Variants in SLC9A9 observed in about 807,000 individuals in gnomAD.
SLC9A9 encodes sodium/hydrogen exchanger 9.
Under a neutral mutation model 77.8 loss-of-function variants are expected in SLC9A9, and 62 were observed. The ratio of observed to expected loss-of-function variants is 0.80; its 90% CI spans 0.65 to 0.98. The LOEUF (loss-of-function observed/expected upper bound fraction) is 0.98, where lower values mean the gene tolerates loss of function less well. Ranked by LOEUF, SLC9A9 falls within the 50% of genes least tolerant of loss-of-function variation. The pLI is 0.00. For synonymous variants in SLC9A9, 320 were observed against 283.5 expected (o/e 1.13, Z -1.29); for missense variants, 775 against 774.9 (o/e 1.00, Z 0.00).
At chr3:143,504,114 A>G (rs2035971183) in intron 9 of SLC9A9, 5 of 483,024 alleles carry the variant, frequency 1.0e-5, no homozygotes, top group Non-Finnish European at 1.6e-5. Context: ...GGAACTTGCC[A>G]TGGGTGGAAT....
intron 1 of SLC9A9, among the ~76,000 whole-genome samples, chr3:143,841,903 G>A (rs1436028073): frequency 3.3e-5 from 5 of 151,972 alleles, no homozygotes; most frequent in African/African-American, 9.7e-5. Flanking sequence ...ACAGGCATCC[G>A]CCACTATACC....
Position 143,594,099 on chromosome 3 carries a change from C to T in SLC9A9, c.756-15376G>A, listed in dbSNP as rs114937672. Among the ~76,000 whole-genome samples the T allele has an allele frequency of 6.8e-3, 1,041 of 151,992 alleles. 14 individuals carry two copies. The highest frequency in any genetic ancestry group is 0.023 in the African/African-American group (945 of 41,418). ...AAAATTCTGGATTTTAAAAAAAGAG[C>T]TTAATTGGTAAGTTCCCAAAATGAG... On this transcript the variant is annotated intron_variant, in intron 6 of 15. Coordinates refer to ENST00000316549, the MANE Select transcript of SLC9A9 (RefSeq NM_173653.4).
In SLC9A9 at chr3:143,624,377, G is replaced by T. The variant is rs145031456; in HGVS notation, c.755+27878C>A. On this transcript the variant is annotated intron_variant, in intron 6 of 15. Coordinates refer to ENST00000316549, the MANE Select transcript of SLC9A9 (RefSeq NM_173653.4). ...TGCAAAAATCCTCAAGAAAATACTG[G>T]CCAACTGAATCCAGCAGCACATCAA... is the stretch of plus-strand genomic sequence containing the variant. Among the ~76,000 whole-genome samples, 967 of 152,238 alleles carry T rather than the reference G, an allele frequency of 6.4e-3. 13 individuals are homozygous for T. Among genetic ancestry groups the T allele is most frequent in the African/African-American group, 0.022 (918 of 41,540 alleles).
At chr3:143,385,768 T>G (rs953773411) in intron 12 of SLC9A9, among the ~76,000 whole-genome samples, 1 of 152,186 alleles carries the variant, frequency 6.6e-6, no homozygotes, top group African/African-American at 2.4e-5. Flanking sequence ...TCCAACCTCC[T>G]TAGGTGACAT....
chr3:143,321,280 A>T (rs1358148602), intron 14 of SLC9A9, among the ~76,000 whole-genome samples: 1 of 152,158 alleles, frequency 6.6e-6, no homozygotes, highest in Non-Finnish European at 1.5e-5. Context: ...GTTTACTATG[A>T]CCTCCACTGC....
At chr3:143,431,754 A>G (rs1035010279) in intron 12 of SLC9A9, among the ~76,000 whole-genome samples, 2 of 152,054 alleles carry the variant, frequency 1.3e-5, no homozygotes, top group Admixed American at 1.3e-4. Context: ...GAGTCCTTAC[A>G]ATGGCTTATA....
chr3:143,610,981 GA>G (rs199619731), intron 6 of SLC9A9, among the ~76,000 whole-genome samples: 20 of 149,656 alleles, frequency 1.3e-4, no homozygotes, highest in South Asian at 4.2e-4. Context: ...CAAAAGGACC[GA>G]AAAAAAAATT....
chr3:143,848,260 C>T lies in SLC9A9; in HGVS notation c.63G>A (p.Ala21=). The change falls in exon 1 of 16, where the codon GCG becomes GCA. Residue 21 remains alanine (A), a synonymous_variant. Coordinates refer to ENST00000316549, the MANE Select transcript of SLC9A9 (RefSeq NM_173653.4). ...KDEYQFQHQG[A]VELLVFNFLL... Reference sequence around the variant, plus strand: ...AAAAATTGAAGACAAGCAGCTCCACCGCTCCCTGATGTTGAAACTGATACT... The same window carrying T: ...AAAAATTGAAGACAAGCAGCTCCACTGCTCCCTGATGTTGAAACTGATACT... 6.2e-7 allele frequency: 1 copy of T among 1,613,946 alleles called. No homozygotes were observed. Among genetic ancestry groups the T allele is most frequent in the Non-Finnish European group, 8.5e-7 (1 of 1,179,930 alleles).
intron 4 of SLC9A9, among the ~76,000 whole-genome samples, chr3:143,785,920 G>C (rs1332797849): frequency 7.0e-6 from 1 of 143,382 alleles, no homozygotes; most frequent in East Asian, 2.0e-4. Flanking sequence ...GCAGTGGCGC[G>C]ATCTCGACTC....
chr3:143,358,401 T>C (rs771111433), intron 14 of SLC9A9, among the ~76,000 whole-genome samples: 2 of 152,224 alleles, frequency 1.3e-5, no homozygotes, highest in Non-Finnish European at 2.9e-5. Flanking sequence ...TTTACACTTA[T>C]AAAATGTTGG....
At chr3:143,295,565 ACT>A (rs1333510520) in intron 14 of SLC9A9, among the ~76,000 whole-genome samples, 2 of 152,178 alleles carry the variant, frequency 1.3e-5, no homozygotes, top group African/African-American at 2.4e-5. Flanking sequence ...ATGTTAACTG[ACT>A]CTGAGACATT....
At chr3:143,720,903 G>A (rs960679283) in intron 4 of SLC9A9, among the ~76,000 whole-genome samples, 8 of 151,822 alleles carry the variant, frequency 5.3e-5, no homozygotes, top group African/African-American at 1.7e-4. Flanking sequence ...CAATTCTTAA[G>A]TATTTTCCTT....
chr3:143,339,261 A>G (rs572241439), intron 14 of SLC9A9, among the ~76,000 whole-genome samples: 38 of 152,268 alleles, frequency 2.5e-4, no homozygotes, highest in Non-Finnish European at 4.9e-4. Flanking sequence ...GTGGAGGTTC[A>G]TCGCATGGCC....
intron 9 of SLC9A9, among the ~76,000 whole-genome samples, chr3:143,523,159 T>C (rs749707964): frequency 2.0e-5 from 3 of 152,126 alleles, no homozygotes; most frequent in African/African-American, 4.8e-5. Context: ...AAATTCCTAG[T>C]CCATTTGTCT....
chr3:143,783,293 C>T (rs574228655), intron 4 of SLC9A9, among the ~76,000 whole-genome samples: 1 of 152,166 alleles, frequency 6.6e-6, no homozygotes, highest in Non-Finnish European at 1.5e-5. Context: ...ATACTCTGGC[C>T]TCCTGGAACA....
chr3:143,738,879 G>A (rs999826416), intron 4 of SLC9A9, among the ~76,000 whole-genome samples: 1 of 152,198 alleles, frequency 6.6e-6, no homozygotes, highest in Non-Finnish European at 1.5e-5. Context: ...GGCATGTGCA[G>A]GTATGCAGCT....
intron 14 of SLC9A9, among the ~76,000 whole-genome samples, chr3:143,294,721 CAA>C (rs1285350331): frequency 2.0e-5 from 3 of 152,262 alleles, no homozygotes; most frequent in East Asian, 3.9e-4. Context: ...CTGAAATTCC[CAA>C]GTCAGTGTTG....
At chr3:143,650,285 A>T (rs1250698039) in intron 6 of SLC9A9, among the ~76,000 whole-genome samples, 1 of 152,236 alleles carries the variant, frequency 6.6e-6, no homozygotes, top group Middle Eastern at 3.2e-3. Context: ...GGCTTTCCTA[A>T]GGGAACCAGG....
chr3:143,562,809 G>A (rs900644131), intron 8 of SLC9A9, among the ~76,000 whole-genome samples: 2 of 151,826 alleles, frequency 1.3e-5, no homozygotes, highest in African/African-American at 4.8e-5. Flanking sequence ...TTGGACATAT[G>A]AGGCCCTGCA....
Sources: gnomAD v4.1 joint callset for allele counts (sites outside exome capture counted in the v4.1 genomes callset) on GRCh38, gnomAD v4.1.1 for gene constraint, MANE v1.5 for transcripts, NCBI Gene and HGNC (gene_info 2026-07-23, HGNC 2026-07-21) for gene names.